PPP2R5C: variants seen among roughly 807,000 people sequenced by gnomAD.
PPP2R5C encodes serine/threonine-protein phosphatase 2A 56 kDa regulatory subunit gamma isoform.
A neutral mutation model predicts 68.9 loss-of-function variants in PPP2R5C; 7 were observed. The ratio of observed to expected loss-of-function variants is 0.10; its 90% CI spans 0.06 to 0.19. The LOEUF is 0.19. Among genes scored for constraint, PPP2R5C ranks in the 10% least tolerant of loss-of-function variants. The pLI, the probability that PPP2R5C is intolerant of heterozygous loss-of-function variation, is 1.00. For synonymous variants in PPP2R5C, 210 were observed against 222.2 expected (o/e 0.95, Z 0.49); for missense variants, 348 against 641.3 (o/e 0.54, Z 4.94).
chr14:101,769,104 G>A (rs1482639950), intron 2 of PPP2R5C, among the ~76,000 whole-genome samples: 4 of 152,226 alleles, frequency 2.6e-5, no homozygotes, highest in Non-Finnish European at 4.4e-5. Context: ...GATTACAGGC[G>A]TGAGCCACTG....
chr14:101,842,203 G>A (rs1265048540), intron 1 of PPP2R5C, among the ~76,000 whole-genome samples: 2 of 152,150 alleles, frequency 1.3e-5, no homozygotes, highest in African/African-American at 2.4e-5. Context: ...GTGGAAAAAT[G>A]AACCTTTTAG....
exon 3 of PPP2R5C, chr14:101,786,151 A>G (rs2038080124): frequency 6.3e-7 from 1 of 1,578,434 alleles, no homozygotes; most frequent in African/African-American, 1.4e-5. Context: ...GCAAGCAATA[A>G]TAGAGAACTT....
intron 2 of PPP2R5C, among the ~76,000 whole-genome samples, chr14:101,763,378 A>G (rs891453234): frequency 2.5e-4 from 35 of 140,042 alleles, no homozygotes; most frequent in African/African-American, 9.1e-4. Context: ...ATGCCACCAC[A>G]CCCAACAAAT....
chr14:101,896,387 C>G (rs757526194), intron 8 of PPP2R5C, among the ~76,000 whole-genome samples: 69 of 152,154 alleles, frequency 4.5e-4, no homozygotes, highest in Non-Finnish European at 8.4e-4. Flanking sequence ...ATTTGCAGTT[C>G]CCTAATGACT....
chr14:101,925,462 T>C (rs933186611), exon 14 of PPP2R5C: 2 of 1,013,706 alleles, frequency 2.0e-6, no homozygotes, highest in African/African-American at 1.6e-5. Context: ...CAGAGCCCGC[T>C]GGCAGAGCCG....
chr14:101,808,844 A>G (rs1264207929), upstream of PPP2R5C, among the ~76,000 whole-genome samples: 1 of 152,170 alleles, frequency 6.6e-6, no homozygotes, highest in African/African-American at 2.4e-5. Context: ...GTTCGTTTTC[A>G]TTTGGAACTA....
upstream of PPP2R5C, chr14:101,761,704 CCGCCGCCGCCGT>C: frequency 6.7e-6 from 3 of 446,828 alleles, no homozygotes; most frequent in Non-Finnish European, 5.9e-6. Context: ...GCCGCCGCCG[CCGCCGCCGCCGT>C]GGCTGCCGCA....
chr14:101,854,102 T>C (rs944608347), intron 1 of PPP2R5C, among the ~76,000 whole-genome samples: 4 of 152,338 alleles, frequency 2.6e-5, no homozygotes, highest in East Asian at 1.9e-4. Flanking sequence ...TGAAGAGTCC[T>C]GAACGCTGTA....
intron 2 of PPP2R5C, among the ~76,000 whole-genome samples, chr14:101,866,747 C>A (rs1325902577): frequency 6.6e-6 from 1 of 152,126 alleles, no homozygotes; most frequent in Non-Finnish European, 1.5e-5. Flanking sequence ...TGGGTGGTAT[C>A]ATTAATTTTT....
chr14:101,810,297 T>G, intron 1 of PPP2R5C: 1 of 420,092 alleles, frequency 2.4e-6, no homozygotes, highest in South Asian at 2.7e-5. Context: ...CCCATCCCCC[T>G]TTCAAAGCTG....
At chr14:101,870,061 T>A (rs374836242) in intron 2 of PPP2R5C, among the ~76,000 whole-genome samples, 12 of 132,718 alleles carry the variant, frequency 9.0e-5, no homozygotes, top group Non-Finnish European at 1.6e-4. Flanking sequence ...TTTTTTTTTT[T>A]TTTTTGAGTT....
intron 1 of PPP2R5C, among the ~76,000 whole-genome samples, chr14:101,814,913 A>G (rs2039568896): frequency 6.6e-6 from 1 of 152,126 alleles, no homozygotes; most frequent in Non-Finnish European, 1.5e-5. Flanking sequence ...GAGCAGGACA[A>G]TCCTAGTATT....
In PPP2R5C at chr14:101,870,651, T is replaced by C. The variant is rs1006758840; in HGVS notation, c.295-11510T>C. Among the ~76,000 whole-genome samples the C allele has an allele frequency of 3.3e-5, 5 of 152,234 alleles. No homozygotes were observed. In the East Asian group the frequency reaches 9.6e-4, roughly 29 times the overall value. ...ATTCTAGTTATTTTACCTTTCCATA[T>C]AAATTTTAAAATCAGCTTGTTATCT... On this transcript the variant is annotated intron_variant, in intron 2 of 13. Coordinates refer to ENST00000334743, the Ensembl canonical transcript of PPP2R5C.
At chr14:101,922,043 G>A in intron 13 of PPP2R5C, 4 of 985,362 alleles carry the variant, frequency 4.1e-6, no homozygotes, top group Non-Finnish European at 4.8e-6. Flanking sequence ...GAGACGGAAG[G>A]TGGGCAGTGC....
At chr14:101,774,941 A>G (rs1005314794) in intron 2 of PPP2R5C, among the ~76,000 whole-genome samples, 3 of 152,236 alleles carry the variant, frequency 2.0e-5, no homozygotes, top group Admixed American at 1.3e-4. Flanking sequence ...AGCCACAGAC[A>G]ACAGGTGGAT....
intron 13 of PPP2R5C, chr14:101,921,148 G>A: frequency 4.4e-6 from 1 of 229,176 alleles, no homozygotes; most frequent in Non-Finnish European, 8.6e-6. Flanking sequence ...GCTCACTGCA[G>A]CCTCGGCCTC....
rs1254049436 is a variant in PPP2R5C, at chr14:101,891,744, C to T, written c.690-1256C>T. On this transcript the variant is annotated intron_variant, in intron 6 of 13. Coordinates refer to ENST00000334743, the Ensembl canonical transcript of PPP2R5C. The surrounding 1 kb of genome is among the most constrained non-coding windows in gnomAD (Gnocchi z 4.9). ...TGGGCCGCTCCAGGCTCGCCCTTCC[C>T]GCATTGTCCGCTGTGCCGCGCAGAG... Among the ~76,000 whole-genome samples, 2 of 152,214 alleles carry T rather than the reference C, an allele frequency of 1.3e-5. No individual in the cohort carries two copies. The highest frequency in any genetic ancestry group is 1.9e-4 in the East Asian group (1 of 5,198).
chr14:101,906,303 C>T lies in PPP2R5C; in HGVS notation c.1024-99C>T, dbSNP rs2141066005. 2 of 1,283,998 alleles carry T rather than the reference C, an allele frequency of 1.6e-6. No individual in the cohort carries two copies. 79.5% of individuals were successfully genotyped at this position (1,283,998 alleles called of 1,614,324 possible). A position where few individuals can be genotyped will look rare whatever the true frequency, so the allele number is the denominator to read the frequency against. ...TAGAAATAATCATAATTTTCTGGTCCAAGGTAGTTCATTACCCGACTCACA... is the reference window on the plus strand; with the variant it reads ...TAGAAATAATCATAATTTTCTGGTCTAAGGTAGTTCATTACCCGACTCACA... On this transcript the variant is annotated intron_variant, in intron 9 of 13. Coordinates refer to ENST00000334743, the Ensembl canonical transcript of PPP2R5C. This position sits in a 1 kb window ranked among gnomAD's most constrained non-coding sequence, Gnocchi z 4.0.
chr14:101,875,953 T>C (rs988794604), intron 2 of PPP2R5C, among the ~76,000 whole-genome samples: 29 of 152,326 alleles, frequency 1.9e-4, no homozygotes, highest in African/African-American at 7.0e-4. Flanking sequence ...CTTTGTAGTT[T>C]TTGTGTCTGG....
Sources: gnomAD v4.1 joint callset for allele counts (sites outside exome capture counted in the v4.1 genomes callset) on GRCh38, gnomAD v4.1.1 for gene constraint, Gnocchi (gnomAD v3.1) non-coding constraint, MANE v1.5 for transcripts, NCBI Gene and HGNC (gene_info 2026-07-23, HGNC 2026-07-21) for gene names.